KRT6B: variants seen among roughly 807,000 people sequenced by gnomAD.
The protein encoded by KRT6B is keratin 6B, also known as keratin, type II cytoskeletal 6B.
KRT6B carries 29 observed loss-of-function variants against 44.7 expected under a neutral mutation model. The observed-to-expected ratio is 0.65, with a 90% CI of 0.48 to 0.88. The LOEUF (loss-of-function observed/expected upper bound fraction) is 0.88. Ranked by LOEUF, KRT6B falls within the 40% of genes least tolerant of loss-of-function variation. KRT6B has a pLI of 0.00. For synonymous variants in KRT6B, 213 were observed against 296.0 expected, an observed-to-expected ratio of 0.72 and a Z score of 2.88; for missense variants, 600 against 724.0, an observed-to-expected ratio of 0.83 and a Z score of 1.97.
At chr12:52,450,178 C>G in intron 2 of KRT6B, 106 bp from the exon 3 acceptor site, 1 of 1,602,084 alleles carries the variant, frequency 6.2e-7, no homozygotes. Flanking sequence ...TCTAATTGAG[C>G]TTTCCTGCCA....
At chr12:52,449,266 G>A (rs957814967) in intron 5 of KRT6B, among the ~76,000 whole-genome samples, 3 of 152,200 alleles carry the variant, frequency 2.0e-5, no homozygotes, top group Non-Finnish European at 2.9e-5. Flanking sequence ...CTTGTCTATC[G>A]TAGCTTGCCT....
At chr12:52,449,954 A>G (rs1472018276) in intron 3 of KRT6B, 58 bp downstream of exon 3, 51 of 1,613,734 alleles carry the variant, frequency 3.2e-5, no homozygotes, top group Non-Finnish European at 4.3e-5. Context: ...GGGAGCGAGG[A>G]CACAGAGCCA....
chr12:52,451,810 C>T lies in KRT6B; in HGVS notation c.269G>A (p.Ser90Asn). 1 of 1,611,608 alleles carries T rather than the reference C, an allele frequency of 6.2e-7. No homozygotes were observed. The highest frequency in any genetic ancestry group is 8.5e-7 in the Non-Finnish European group (1 of 1,179,624). Reference protein sequence around the residue: ...SGGYGSRAGGSYGFGGAGSGF... With the variant: ...SGGYGSRAGGNYGFGGAGSGF... ...ACTCCCGGCGCCACCAAAGCCATAG[C>T]TGCCTCCGGCTCTGCTGCCATAGCC... is the stretch of plus-strand genomic sequence containing the variant. The change falls in exon 1 of 9, where the codon AGC becomes AAC. Residue 90 changes from serine to asparagine, a missense_variant. Ser to Asn is a conservative substitution (Grantham distance 46). Coordinates refer to ENST00000252252, the MANE Select transcript of KRT6B (RefSeq NM_005555.4).
At chr12:52,451,306 G>A (rs1231773563) in intron 1 of KRT6B, among the ~76,000 whole-genome samples, 1 of 146,736 alleles carries the variant, frequency 6.8e-6, no homozygotes, top group Non-Finnish European at 1.5e-5. Context: ...GTGCTTCAGG[G>A]TTATGAAAAG....
chr12:52,449,612 G>A lies in KRT6B; in HGVS notation c.934C>T (p.His312Tyr), dbSNP rs142625176. The A allele has an allele frequency of 2.5e-5, 40 of 1,614,196 alleles. 1 individual carries two copies. The highest frequency in any genetic ancestry group is 2.3e-4 in the Admixed American group (14 of 60,028). Residue 312 changes from histidine (H) to tyrosine (Y), a missense_variant, in exon 5 of 9, where the codon CAC (histidine) becomes TAC (tyrosine). Transcript: ENST00000252252. ...AGCACCACGGATGTGTCTGAGATGT[G>A]GGTCTGCATCTGGGACAGCTCCTGC... Reference protein sequence around the residue: ...YDAELSQMQTHISDTSVVLSM... With the variant: ...YDAELSQMQTYISDTSVVLSM...
rs1940339111 is a variant in KRT6B at position 52,447,934 on chromosome 12, G to A, written c.1268C>T (p.Ala423Val). The A allele has an allele frequency of 6.2e-7, 1 of 1,614,150 alleles. No homozygotes were observed. The highest frequency in any genetic ancestry group is 1.1e-5 in the South Asian group (1 of 91,062). ...CTCCAGCCCTTCCAGCTTGTTCTTA[G>A]CATCCTTGAGGGCCATCTCCCCACG... ...EQRGEMALKDAKNKLEGLEDA... is the reference protein window; with the variant it reads ...EQRGEMALKDVKNKLEGLEDA... Residue 423 changes from alanine to valine, a missense_variant, in exon 7 of 9, where the codon GCT (alanine) becomes GTT (valine). Physicochemically the swap from Ala to Val is moderately conservative, Grantham distance 64 (BLOSUM62 0). This residue lies in a region of KRT6B where 479 missense variants were observed against 454.2 expected (regional missense o/e 1.05). Transcript: ENST00000252252.
chr12:52,448,783 C>T (rs1940351087), intron 6 of KRT6B, 59 bp downstream of exon 6: 1 of 1,613,638 alleles, frequency 6.2e-7, no homozygotes, highest in Non-Finnish European at 8.5e-7. Flanking sequence ...TGGGTGACTA[C>T]TGCCTCATGA....
rs368362440 is a variant in KRT6B, at chr12:52,448,888, C to T, written c.1157G>A (p.Arg386His). The T allele has an allele frequency of 2.0e-4, 316 of 1,613,892 alleles. No homozygotes were observed. Among genetic ancestry groups the T allele is most frequent in the African/African-American group, 2.4e-4 (18 of 74,880 alleles). Reference protein sequence around the residue: ...NTKQEIAEINRMIQRLRSEID... With the variant: ...NTKQEIAEINHMIQRLRSEID... ...CTCAGATCTCAGCCTCTGGATCATG[C>T]GGTTGATCTCAGCAATCTCCTGCTT... Residue 386 changes from arginine to histidine, a missense_variant, in exon 6 of 9, where the codon CGC becomes CAC. Arg to His is a conservative substitution (Grantham distance 29). Around this residue, in one of 4 missense-constraint regions of KRT6B, gnomAD observed 479 missense variants for 454.2 expected, o/e 1.05. Transcript: ENST00000252252.
In KRT6B at chr12:52,448,006, G is replaced by C; in HGVS notation, c.1204-8C>G. 1 of 1,614,080 alleles carries C rather than the reference G, an allele frequency of 6.2e-7. No homozygotes were observed. Among genetic ancestry groups the C allele is most frequent in the Non-Finnish European group, 8.5e-7 (1 of 1,180,000 alleles). ...GGCCTGTAGGTTGGCACACTAGGAGGGCAAAGGAAGAGAAAGAACTTGTCA... is the reference window on the plus strand; with the variant it reads ...GGCCTGTAGGTTGGCACACTAGGAGCGCAAAGGAAGAGAAAGAACTTGTCA... On this transcript the variant is annotated splice_polypyrimidine_tract_variant and splice_region_variant and intron_variant, in intron 6 of 8. Coordinates refer to ENST00000252252, the MANE Select transcript of KRT6B (RefSeq NM_005555.4).
rs756595848 is a variant in KRT6B at position 52,448,999 on chromosome 12, T to A, written c.1078-32A>T. The A allele has an allele frequency of 5.6e-6, 9 of 1,608,496 alleles. No individual in the cohort carries two copies. In the African/African-American group the frequency reaches 1.1e-4, roughly 19 times the overall value. On this transcript the variant is annotated intron_variant, in intron 5 of 8. Transcript: ENST00000252252. ...CCCAGAGGTGGAGAGAGAGACAGTG[T>A]CTACGGGTTCTTACCTGGGAGCGAT...
rs545233358 is a variant in KRT6B, at chr12:52,446,738, A to T, written c.*452T>A. ...GTGCAGGAATGCAGACTGCATCAGA[A>T]GGTACATCACTTGCCATTCAGGGAC... On this transcript the variant is annotated 3_prime_UTR_variant, in exon 9 of 9. Transcript: ENST00000252252. 1 of 209,936 alleles carries T rather than the reference A, an allele frequency of 4.8e-6. No homozygotes were observed. The highest frequency in any genetic ancestry group is 2.3e-5 in the African/African-American group (1 of 43,606). The allele number at this position is 209,936 out of a possible 1,614,324, so 13.0% of individuals were successfully genotyped here.
chr12:52,449,075 C>T (rs1366268541), intron 5 of KRT6B, 108 bp from the exon 6 acceptor site: 12 of 1,526,950 alleles, frequency 7.9e-6, no homozygotes, highest in African/African-American at 1.4e-5. Context: ...AATGGCTTCT[C>T]CCCAAGAAAC....
At position 52,447,359 on chromosome 12, in the gene KRT6B, A is replaced by G. The variant is rs749628792; in HGVS notation, c.1526T>C (p.Leu509Pro). 1.9e-6 allele frequency: 3 copies of G among 1,614,006 alleles called. No individual in the cohort carries two copies. In the South Asian group the frequency reaches 3.3e-5, roughly 18 times the overall value. The change falls in exon 9 of 9, where the codon CTG (leucine) becomes CCG (proline). Residue 509 changes from leucine (L) to proline (P), a missense_variant. Coordinates refer to ENST00000252252, the MANE Select transcript of KRT6B (RefSeq NM_005555.4). Reference sequence around the variant, plus strand: ...ATAGGAGTAGCTGCTTCCTCCACCCAGGCCTAAGCCACTGCCGACACCGCT... The same window carrying G: ...ATAGGAGTAGCTGCTTCCTCCACCCGGGCCTAAGCCACTGCCGACACCGCT... ...GASGVGSGLGLGGGSSYSYGS... is the reference protein window; with the variant it reads ...GASGVGSGLGPGGGSSYSYGS...
Position 52,449,531 on chromosome 12 carries a change from C to A in KRT6B, c.1015G>T (p.Ala339Ser), listed in dbSNP as rs1940363920. 1.9e-6 allele frequency: 3 copies of A among 1,614,206 alleles called. No individual in the cohort carries two copies. The highest frequency in any genetic ancestry group is 2.5e-6 in the Non-Finnish European group (3 of 1,180,042). Residue 339 changes from alanine (A) to serine (S), a missense_variant, in exon 5 of 9, where the codon GCC becomes TCC. Physicochemically the swap from Ala to Ser is moderately conservative, Grantham distance 99. Around this residue, in one of 4 missense-constraint regions of KRT6B, gnomAD observed 479 missense variants for 454.2 expected, o/e 1.05. Coordinates refer to ENST00000252252, the MANE Select transcript of KRT6B (RefSeq NM_005555.4). ...CTCTGAGCAATCTCCTCATATTGGG[C>A]CTTGACCTCAGCGATGATGCTGTCC... ...DLDSIIAEVK[A>S]QYEEIAQRSR... is the part of the protein sequence containing the mutation.
chr12:52,448,580 A>G (rs563953684), intron 6 of KRT6B, among the ~76,000 whole-genome samples: 2 of 152,190 alleles, frequency 1.3e-5, no homozygotes, highest in Non-Finnish European at 2.9e-5. Context: ...GTCTTCTTAC[A>G]TAAGCCCTTC....
rs1164602884 is a variant in KRT6B at position 52,450,437 on chromosome 12, T to C, written c.724A>G (p.Met242Val). The change falls in exon 2 of 9, where the codon ATG becomes GTG. Residue 242 changes from methionine (M) to valine (V), a missense_variant. By Grantham distance (21) the Met-to-Val change is conservative. Coordinates refer to ENST00000252252, the MANE Select transcript of KRT6B (RefSeq NM_005555.4). ...RGRLDSELRN[M>V]QDLVEDLKNK... ...TTGAGGTCCTCCACCAGGTCCTGCA[T>C]GTTTCTCAGCTCCGAGTCCAGACGA... 1.9e-6 allele frequency: 3 copies of C among 1,614,218 alleles called. No homozygotes were observed. Among genetic ancestry groups the C allele is most frequent in the Non-Finnish European group, 2.5e-6 (3 of 1,180,046 alleles).
rs559544583 is a variant in KRT6B at position 52,450,359 on chromosome 12, T to C, written c.755+47A>G. ...GAATCCTACACACATCTGGCCCTGG[T>C]CACCCAATAGTCTTGAAGTGTGTGC... On this transcript the variant is annotated intron_variant, in intron 2 of 8. Coordinates refer to ENST00000252252, the MANE Select transcript of KRT6B (RefSeq NM_005555.4). 31 of 1,600,524 alleles carry C rather than the reference T, an allele frequency of 1.9e-5. No homozygotes were observed. In the East Asian group the frequency reaches 6.2e-4, roughly 32 times the overall value.
intron 5 of KRT6B, among the ~76,000 whole-genome samples, 174 bp from the exon 6 acceptor site, chr12:52,449,141 C>A (rs929830179): frequency 1.3e-5 from 2 of 152,088 alleles, no homozygotes; most frequent in African/African-American, 4.8e-5. Context: ...GAGTCACAGA[C>A]CATCCTTATT....
At chr12:52,450,138 G>C in intron 2 of KRT6B, 66 bp from the exon 3 acceptor site, 1 of 1,613,304 alleles carries the variant, frequency 6.2e-7, no homozygotes, top group Admixed American at 1.7e-5. Context: ...AAGCAGCTTG[G>C]GATTCAACAT....
Sources: gnomAD v4.1 joint callset for allele counts (sites outside exome capture counted in the v4.1 genomes callset) on GRCh38, gnomAD v4.1.1 for gene constraint, gnomAD v4.1.1 regional missense constraint, MANE v1.5 for transcripts, NCBI Gene and HGNC (gene_info 2026-07-23, HGNC 2026-07-21) for gene names.